The following NCKAP1 variants were observed in gnomAD, a reference collection of about 807,000 sequenced individuals.
The protein encoded by NCKAP1 is nck-associated protein 1.
NCKAP1 carries 21 observed loss-of-function variants against 151.2 expected under a neutral mutation model. The ratio of observed to expected loss-of-function variants is 0.14; its 90% CI spans 0.10 to 0.20. The LOEUF is 0.20. NCKAP1 is among the 10% of genes least tolerant of loss of function. The probability of loss-of-function intolerance (pLI) is 1.00; values close to 1 mark genes in which losing one functional copy is unlikely to be tolerated. For synonymous variants in NCKAP1, 484 were observed against 451.8 expected, an observed-to-expected ratio of 1.07 and a Z score of -0.90; for missense variants, 933 against 1,352.1, an observed-to-expected ratio of 0.69 and a Z score of 4.86.
chr2:182,984,423 G>GGGGGTGTGTGTGTGTGTGTGTGTGTGTGT (rs984252600), intron 10 of NCKAP1, among the ~76,000 whole-genome samples: 1 of 144,282 alleles, frequency 6.9e-6, no homozygotes, highest in Non-Finnish European at 1.6e-5. Context: ...TTTAGATTGG[G>GGGGGTGTGTGTGTGTGTGTGTGTGTGTGT]GTGTGTGTGT....
chr2:182,941,818 G>A (rs1222487016), intron 24 of NCKAP1, among the ~76,000 whole-genome samples: 1 of 152,146 alleles, frequency 6.6e-6, no homozygotes, highest in Non-Finnish European at 1.5e-5. Flanking sequence ...AAACCAAATT[G>A]ATACTGGTAA....
At chr2:182,984,941 C>T (rs897349666) in intron 10 of NCKAP1, among the ~76,000 whole-genome samples, 1 of 152,064 alleles carries the variant, frequency 6.6e-6, no homozygotes, top group African/African-American at 2.4e-5. Context: ...TGTAAAAGAT[C>T]TTTATAAAAG....
At position 182,986,349 on chromosome 2, in the gene NCKAP1, TG is replaced by T. The variant is rs576599731; in HGVS notation, c.948-123del. On this transcript the variant is annotated intron_variant, in intron 9 of 30. Transcript: ENST00000361354. ...TCAATTCAGAAACTGGCCATCAAACTGGAAGTGCATGGAAGAATCTACCCAC... is the reference window on the plus strand; with the variant it reads ...TCAATTCAGAAACTGGCCATCAAACTGAAGTGCATGGAAGAATCTACCCAC... 8.7e-4 allele frequency: 622 copies of T among 714,454 alleles called. 5 individuals are homozygous for T. In the African/African-American group the frequency reaches 9.9e-3, roughly 11 times the overall value. 44.3% of individuals were successfully genotyped at this position (714,454 alleles called of 1,614,324 possible). A position where few individuals can be genotyped will look rare whatever the true frequency, so the allele number is the denominator to read the frequency against.
At chr2:183,002,666 A>C (rs1698396443) in intron 4 of NCKAP1, among the ~76,000 whole-genome samples, 1 of 119,776 alleles carries the variant, frequency 8.3e-6, no homozygotes, top group Admixed American at 8.1e-5. Context: ...CATACTAAGA[A>C]AGAGTCCATC....
At chr2:182,933,864 A>G (rs2105803238) in intron 26 of NCKAP1, among the ~76,000 whole-genome samples, 1 of 152,292 alleles carries the variant, frequency 6.6e-6, no homozygotes, top group Admixed American at 6.5e-5. Flanking sequence ...AAACCCCGAT[A>G]TATCACTTAC....
In NCKAP1 at chr2:182,960,508, C is replaced by T. The variant is rs552714963; in HGVS notation, c.1881+1651G>A. Among the ~76,000 whole-genome samples the T allele has an allele frequency of 2.1e-3, 326 of 152,230 alleles. 9 individuals carry two copies. In the East Asian group the frequency reaches 0.037, roughly 17 times the overall value. ...ATGATTCCCTATTTAATAAATGGTGCTGGGAAAACTGGCTAGCCATATGTA... is the reference window on the plus strand; with the variant it reads ...ATGATTCCCTATTTAATAAATGGTGTTGGGAAAACTGGCTAGCCATATGTA... On this transcript the variant is annotated intron_variant, in intron 18 of 30. Transcript: ENST00000361354.
At chr2:182,997,607 T>C (rs1698295142) in intron 6 of NCKAP1, among the ~76,000 whole-genome samples, 2 of 152,226 alleles carry the variant, frequency 1.3e-5, no homozygotes, top group Admixed American at 1.3e-4. Flanking sequence ...GAGAAGATGC[T>C]TGGCATGATT....
At chr2:183,012,003 C>A (rs1436126582) in intron 2 of NCKAP1, among the ~76,000 whole-genome samples, 1 of 152,148 alleles carries the variant, frequency 6.6e-6, no homozygotes, top group Admixed American at 6.5e-5. Flanking sequence ...TATACGTGTA[C>A]AGGGAACTCC....
chr2:182,935,392 A>T lies in NCKAP1; in HGVS notation c.2696-17T>A. The T allele has an allele frequency of 6.8e-7, 1 of 1,465,332 alleles. No individual in the cohort carries two copies. The highest frequency in any genetic ancestry group is 9.2e-7 in the Non-Finnish European group (1 of 1,086,516). 90.8% of individuals were successfully genotyped at this position (1,465,332 alleles called of 1,614,324 possible). On this transcript the variant is annotated splice_polypyrimidine_tract_variant and intron_variant, in intron 24 of 30. Transcript: ENST00000361354. Reference sequence around the variant, plus strand: ...TGTCAACAGCTAAATTCAAAGAAACAGAAGGAGAAGAGAATAAAAAAGTGT... The same window carrying T: ...TGTCAACAGCTAAATTCAAAGAAACTGAAGGAGAAGAGAATAAAAAAGTGT...
chr2:182,990,963 A>G (rs964935903), intron 8 of NCKAP1, among the ~76,000 whole-genome samples: 1 of 152,150 alleles, frequency 6.6e-6, no homozygotes, highest in South Asian at 2.1e-4. Flanking sequence ...CTGGCACACA[A>G]TCAAAGAAAC....
intron 18 of NCKAP1, among the ~76,000 whole-genome samples, chr2:182,960,462 A>G (rs1284734868): frequency 6.6e-6 from 1 of 152,226 alleles, no homozygotes; most frequent in African/African-American, 2.4e-5. Context: ...GACAAACCTG[A>G]GAAAAACAAG....
chr2:183,003,043 A>G lies in NCKAP1; in HGVS notation c.313-13T>C, dbSNP rs1212868796. Reference sequence around the variant, plus strand: ...CACAAACATGGTCCTGAAAAGAAATACTTATTTTAATCTTTTATCTGTATA... The same window carrying G: ...CACAAACATGGTCCTGAAAAGAAATGCTTATTTTAATCTTTTATCTGTATA... On this transcript the variant is annotated splice_polypyrimidine_tract_variant and intron_variant, in intron 3 of 30. Coordinates refer to ENST00000361354, the MANE Select transcript of NCKAP1 (RefSeq NM_013436.5). 6.3e-7 allele frequency: 1 copy of G among 1,598,614 alleles called. No homozygotes were observed. The highest frequency in any genetic ancestry group is 8.6e-7 in the Non-Finnish European group (1 of 1,168,490).
chr2:182,982,206 CA>C (rs1364702834), intron 12 of NCKAP1, among the ~76,000 whole-genome samples: 5 of 151,862 alleles, frequency 3.3e-5, no homozygotes, highest in Admixed American at 6.6e-5. Context: ...AGCAAGAAAA[CA>C]AAAACTTTAT....
At chr2:182,998,654 A>G (rs1156409667) in intron 6 of NCKAP1, among the ~76,000 whole-genome samples, 1 of 151,658 alleles carries the variant, frequency 6.6e-6, no homozygotes, top group Non-Finnish European at 1.5e-5. Context: ...ACATGATGAA[A>G]CCCCATCTCT....
chr2:182,978,849 G>A lies in NCKAP1; in HGVS notation c.1408C>T (p.Leu470=). 1 of 1,590,222 alleles carries A rather than the reference G, an allele frequency of 6.3e-7. No homozygotes were observed. The highest frequency in any genetic ancestry group is 1.1e-5 in the South Asian group (1 of 88,846). ...GGCTTATTACCTTGTTTTACACTTA[G>A]GGAAGTCATAGTGTTAACAAAAGAG... ...MSSFVNTMTS[L]SVKQVEDGEV... is the part of the protein sequence containing the mutation. Residue 470 remains leucine, a synonymous_variant, in exon 14 of 31, where the codon CTA becomes TTA. Coordinates refer to ENST00000361354, the MANE Select transcript of NCKAP1 (RefSeq NM_013436.5).
intron 1 of NCKAP1, among the ~76,000 whole-genome samples, chr2:183,027,375 A>G (rs1414497127): frequency 1.3e-5 from 2 of 152,230 alleles, no homozygotes; most frequent in Non-Finnish European, 2.9e-5. Flanking sequence ...CAGAAGTACT[A>G]GGCCCCATCT....
At chr2:182,965,323 A>G (rs565393418) in intron 16 of NCKAP1, among the ~76,000 whole-genome samples, 1 of 146,004 alleles carries the variant, frequency 6.8e-6, no homozygotes, top group Non-Finnish European at 1.5e-5. Context: ...CATCAATTTT[A>G]TTTTTTTTTT....
chr2:182,994,795 A>G, intron 8 of NCKAP1, 44 bp downstream of exon 8: 1 of 1,507,176 alleles, frequency 6.6e-7, no homozygotes, highest in South Asian at 1.1e-5. Flanking sequence ...TCTCTAAAAC[A>G]TAAAGCCTGG....
chr2:182,921,379 G>T lies in NCKAP1; in HGVS notation c.*4323C>A, dbSNP rs1696547958. ...TTCAAGCCTTAGCCATTGGCATTTG[G>T]TCAGTATGTGTATGTAGTGTACTAT... On this transcript the variant is annotated 3_prime_UTR_variant, in exon 31 of 31. Coordinates refer to ENST00000361354, the MANE Select transcript of NCKAP1 (RefSeq NM_013436.5). The T allele has an allele frequency of 6.6e-6, 1 of 152,066 alleles. No homozygotes were observed. The highest frequency in any genetic ancestry group is 1.5e-5 in the Non-Finnish European group (1 of 68,012). The allele number at this position is 152,066 out of a possible 1,614,324, so 9.4% of individuals were successfully genotyped here. A position where few individuals can be genotyped will look rare whatever the true frequency, so the allele number is the denominator to read the frequency against.
Sources: allele counts gnomAD v4.1 joint callset (sites outside exome capture counted in the v4.1 genomes callset), GRCh38; gene constraint gnomAD v4.1.1; transcripts MANE v1.5; gene names NCBI Gene and HGNC (gene_info 2026-07-23, HGNC 2026-07-21).